Variants in POLR2F observed in about 807,000 individuals in gnomAD.
POLR2F encodes the protein DNA-directed RNA polymerases I, II, and III subunit RPABC2.
In POLR2F, 12 loss-of-function variants were observed where a neutral mutation model predicts 22.7. That is an observed-to-expected ratio of 0.53 (90% CI 0.34 to 0.86). POLR2F has a LOEUF of 0.86. POLR2F is among the 40% of genes least tolerant of loss of function. The pLI, the probability that POLR2F is intolerant of heterozygous loss-of-function variation, is 0.02. For synonymous variants in POLR2F, 57 were observed against 66.0 expected, an observed-to-expected ratio of 0.86 and a Z score of 0.66; for missense variants, 126 against 171.5, an observed-to-expected ratio of 0.73 and a Z score of 1.48.
rs1216525764 is a variant in POLR2F, at chr22:38,008,870, A to AT, written c.121-16999_121-16998insT. 5.9e-5 allele frequency among the ~76,000 whole-genome samples: 9 copies of AT among 152,100 alleles called. No homozygotes were observed. The East Asian group carries it at 1.7e-3, about 29-fold the overall frequency. On this transcript the variant is annotated intron_variant, in intron 1 of 2. Transcript: ENST00000333418. ...GAGATGCTGTCTCAAAAAAAAAAAA[A>AT]AAGAAAGAAAAGAAAAAAAGCAGTG...
rs1256875742 is a variant in POLR2F at position 38,016,638 on chromosome 22, T to C, written c.121-9231T>C. Among the ~76,000 whole-genome samples the C allele has an allele frequency of 2.0e-4, 31 of 151,646 alleles. 1 individual carries two copies. The highest frequency in any genetic ancestry group is 2.0e-3 in the Admixed American group (31 of 15,242). ...AGTGCAACAAATCCCTCTATTGTGTTCCTGGTTTATCTGGTTCCTCTTGTT... is the reference window on the plus strand; with the variant it reads ...AGTGCAACAAATCCCTCTATTGTGTCCCTGGTTTATCTGGTTCCTCTTGTT... On this transcript the variant is annotated intron_variant, in intron 1 of 2. Transcript: ENST00000333418. This position sits in a 1 kb window ranked among gnomAD's most constrained non-coding sequence, Gnocchi z 4.4.
chr22:37,960,502 C>A (rs980815981), intron 3 of POLR2F, among the ~76,000 whole-genome samples: 8 of 151,964 alleles, frequency 5.3e-5, no homozygotes, highest in Non-Finnish European at 8.8e-5. Context: ...GCTTCACGCC[C>A]TTCTCCTGCC....
intron 3 of POLR2F, among the ~76,000 whole-genome samples, chr22:37,966,645 G>A (rs899971698): frequency 6.6e-6 from 1 of 152,048 alleles, no homozygotes; most frequent in African/African-American, 2.4e-5. Flanking sequence ...TAGCATAGCT[G>A]GTGGTGTATG....
chr22:37,964,572 C>CTTT (rs11428366), intron 3 of POLR2F, among the ~76,000 whole-genome samples: 12 of 131,280 alleles, frequency 9.1e-5, no homozygotes, highest in South Asian at 2.4e-4. Flanking sequence ...TTCTTTCTTT[C>CTTT]TTTTTTTTTT....
chr22:37,985,995 A>T, upstream of POLR2F: 1 of 1,117,678 alleles, frequency 8.9e-7, no homozygotes, highest in Non-Finnish European at 1.2e-6. Context: ...CCTCGACGCC[A>T]CCCCCGGCGC....
downstream of POLR2F, chr22:38,041,417 A>T: frequency 5.5e-5 from 17 of 306,504 alleles, no homozygotes; most frequent in East Asian, 1.2e-4. Context: ...CGGGGGATGG[A>T]GGGGAGGGCG....
At chr22:38,001,074 T>C (rs1185194933) in intron 1 of POLR2F, among the ~76,000 whole-genome samples, 1 of 152,112 alleles carries the variant, frequency 6.6e-6, no homozygotes, top group Non-Finnish European at 1.5e-5. Flanking sequence ...GCAGCACCAC[T>C]GAGAGGAGGG....
chr22:38,027,066 G>A (rs2085019266), downstream of POLR2F, among the ~76,000 whole-genome samples: 1 of 152,204 alleles, frequency 6.6e-6, no homozygotes, highest in African/African-American at 2.4e-5. Flanking sequence ...TGCGGGATGT[G>A]TGTCCCTGTC....
At chr22:37,958,089 A>G (rs1931472959) in intron 2 of POLR2F, among the ~76,000 whole-genome samples, 1 of 152,012 alleles carries the variant, frequency 6.6e-6, no homozygotes, top group Non-Finnish European at 1.5e-5. Context: ...ATAGCGCACT[A>G]CAGCCTTGAA....
At chr22:38,025,496 T>C in intron 1 of POLR2F, 2 of 1,418,430 alleles carry the variant, frequency 1.4e-6, no homozygotes, top group Non-Finnish European at 1.8e-6. Flanking sequence ...ACATTCACAC[T>C]CACAGTCCCA....
At chr22:38,033,531 CA>C (rs1246788370) in intron 5 of POLR2F, among the ~76,000 whole-genome samples, 18 of 152,334 alleles carry the variant, frequency 1.2e-4, no homozygotes, top group African/African-American at 4.3e-4. Flanking sequence ...CAGGACCAAT[CA>C]CCAGTGCCCA....
chr22:37,980,414 G>C lies in POLR2F; in HGVS notation c.293+13244G>C, dbSNP rs1413994020. On this transcript the variant is annotated intron_variant, in intron 4 of 4. Coordinates refer to the POLR2F transcript ENST00000405557. This position sits in a 1 kb window ranked among gnomAD's most constrained non-coding sequence, Gnocchi z 4.1. ...ATCAGCAAGAAAGTGACAGGGGCCA[G>C]AAGAGAGAGAGGATTCCAACATCGG... Among the ~76,000 whole-genome samples, 2 of 152,152 alleles carry C rather than the reference G, an allele frequency of 1.3e-5. No individual in the cohort carries two copies. Among genetic ancestry groups the C allele is most frequent in the Non-Finnish European group, 2.9e-5 (2 of 68,026 alleles).
Position 37,986,484 on chromosome 22 carries a change from CCTCT to C in POLR2F, c.120+175_120+178del. ...GGAATGTGGGGTCCCACAGCTGCCC[CCTCT>C]CTAACTCCCTGCTTCCTCCTTTGCC... On this transcript the variant is annotated intron_variant, in intron 1 of 2. Coordinates refer to the POLR2F transcript ENST00000333418. This position sits in a 1 kb window ranked among gnomAD's most constrained non-coding sequence, Gnocchi z 4.7. 7.1e-7 allele frequency: 1 copy of C among 1,410,762 alleles called. No individual in the cohort carries two copies. Among genetic ancestry groups the C allele is most frequent in the Non-Finnish European group, 9.7e-7 (1 of 1,033,692 alleles). The allele number at this position is 1,410,762 out of a possible 1,614,324, so 87.4% of individuals were successfully genotyped here.
chr22:37,967,111 T>C lies in POLR2F; in HGVS notation c.234T>C (p.Pro78=). ...TRALQIAMCA[P]VMVELEGETD... ...CCTATCCCTACAGGATGTGTGCCCC[T>C]GTGATGGTGGAGCTGGAGGGGGAGA... Residue 78 remains proline, a synonymous_variant, in exon 4 of 5, where the codon CCT becomes CCC. Transcript: ENST00000442738. The C allele has an allele frequency of 6.2e-7, 1 of 1,612,948 alleles. No homozygotes were observed. Among genetic ancestry groups the C allele is most frequent in the Non-Finnish European group, 8.5e-7 (1 of 1,179,234 alleles).
downstream of POLR2F, chr22:37,970,921 A>G: frequency 3.8e-6 from 1 of 265,772 alleles, no homozygotes; most frequent in East Asian, 9.5e-5. Context: ...ATTGTCTAAA[A>G]GATCGGGGTT....
intron 5 of POLR2F, among the ~76,000 whole-genome samples, chr22:38,033,448 C>G (rs750903585): frequency 6.6e-6 from 1 of 152,208 alleles, no homozygotes; most frequent in Non-Finnish European, 1.5e-5. Flanking sequence ...GCCTGGTTAC[C>G]CAGTCCCTCT....
chr22:38,031,429 C>A (rs182017128), downstream of POLR2F, among the ~76,000 whole-genome samples: 290 of 152,200 alleles, frequency 1.9e-3, no homozygotes, highest in African/African-American at 6.8e-3. This position sits in a 1 kb window ranked among gnomAD's most constrained non-coding sequence, Gnocchi z 4.1. Flanking sequence ...ACCCTCTTAG[C>A]CCAGGTAGTA....
At chr22:37,996,387 T>C (rs2084714181) in intron 1 of POLR2F, among the ~76,000 whole-genome samples, 1 of 152,196 alleles carries the variant, frequency 6.6e-6, no homozygotes, top group Non-Finnish European at 1.5e-5. Flanking sequence ...GCGAGAGAGC[T>C]CACAGCCCCA....
In POLR2F at chr22:37,953,744, C is replaced by G; in HGVS notation, c.-44C>G. On this transcript the variant is annotated 5_prime_UTR_variant, in exon 1 of 5. Transcript: ENST00000442738. ...CGTAGTGTCGCTGTTTGCGGGTCTC[C>G]GCGCGGGACCGGGGCGCAGCGGGGT... The G allele has an allele frequency of 1.8e-5, 28 of 1,597,100 alleles. No homozygotes were observed. Among genetic ancestry groups the G allele is most frequent in the Non-Finnish European group, 2.2e-5 (26 of 1,175,360 alleles).
Sources: gnomAD v4.1 joint callset for allele counts (sites outside exome capture counted in the v4.1 genomes callset) on GRCh38, gnomAD v4.1.1 for gene constraint, Gnocchi (gnomAD v3.1) non-coding constraint, MANE v1.5 for transcripts, NCBI Gene and HGNC (gene_info 2026-07-23, HGNC 2026-07-21) for gene names.